MICU3: variants seen among roughly 807,000 people sequenced by gnomAD.
MICU3 encodes the protein mitochondrial calcium uptake 3, also known as calcium uptake protein 3, mitochondrial.
Under a neutral mutation model 66.5 loss-of-function variants are expected in MICU3, and 62 were observed. The observed-to-expected ratio is 0.93, with a 90% CI of 0.76 to 1.15. The LOEUF (loss-of-function observed/expected upper bound fraction) is 1.15. MICU3 is among the 50% of genes most tolerant of loss of function. The probability of loss-of-function intolerance (pLI) is 0.00; values close to 1 mark genes in which losing one functional copy is unlikely to be tolerated. For synonymous variants in MICU3, 308 were observed against 240.7 expected, an observed-to-expected ratio of 1.28 and a Z score of -2.59; for missense variants, 779 against 664.4, an observed-to-expected ratio of 1.17 and a Z score of -1.90.
chr8:17,074,027 G>A (rs1819994466), intron 3 of MICU3, among the ~76,000 whole-genome samples: 1 of 151,122 alleles, frequency 6.6e-6, no homozygotes, highest in South Asian at 2.1e-4. Flanking sequence ...TCTCATGAGT[G>A]TATGGTGGAG....
chr8:17,097,033 G>T (rs1485004212), intron 8 of MICU3, among the ~76,000 whole-genome samples: 2 of 149,648 alleles, frequency 1.3e-5, no homozygotes, highest in Non-Finnish European at 3.0e-5. Flanking sequence ...GATGAGGCAT[G>T]GCTTCACAAA....
chr8:17,078,766 G>A (rs1290490092), intron 4 of MICU3, among the ~76,000 whole-genome samples: 1 of 151,872 alleles, frequency 6.6e-6, no homozygotes, highest in South Asian at 2.1e-4. Flanking sequence ...GGTTTACATA[G>A]AATCTGAAAG....
chr8:17,100,835 TATG>T (rs1254423969), intron 9 of MICU3, among the ~76,000 whole-genome samples: 1 of 151,726 alleles, frequency 6.6e-6, no homozygotes, highest in African/African-American at 2.4e-5. Flanking sequence ...CTTAGTGCAG[TATG>T]ATGAGTATAT....
chr8:17,071,947 T>C (rs1360184021), intron 3 of MICU3, among the ~76,000 whole-genome samples: 1 of 152,160 alleles, frequency 6.6e-6, no homozygotes, highest in Non-Finnish European at 1.5e-5. Context: ...TAATAAGCCA[T>C]TTCCTTATGA....
intron 13 of MICU3, among the ~76,000 whole-genome samples, chr8:17,117,121 G>T (rs1163601248): frequency 6.6e-6 from 1 of 152,040 alleles, no homozygotes; most frequent in Non-Finnish European, 1.5e-5. Context: ...GGGACTATAG[G>T]TGCATGCCAC....
chr8:17,086,892 T>A, intron 6 of MICU3, 72 bp from the exon 7 acceptor site: 1 of 914,408 alleles, frequency 1.1e-6, no homozygotes, highest in Middle Eastern at 2.2e-4. Context: ...GGAATATACC[T>A]AGTCCAGAAT....
At chr8:17,034,193 A>G (rs998948303) in intron 1 of MICU3, among the ~76,000 whole-genome samples, 8 of 152,216 alleles carry the variant, frequency 5.3e-5, no homozygotes, top group African/African-American at 1.9e-4. Flanking sequence ...GGGGACTGCA[A>G]AGCTTGGATG....
chr8:17,137,520 T>TAAA, the MICU3 span, among the ~76,000 whole-genome samples: 12 of 120,774 alleles, frequency 9.9e-5, no homozygotes, highest in African/African-American at 2.7e-4. Context: ...CTGCTTTTTT[T>TAAA]TAAAAAAAAA....
intron 4 of MICU3, among the ~76,000 whole-genome samples, chr8:17,078,663 G>A (rs917311164): frequency 6.6e-6 from 1 of 151,880 alleles, no homozygotes; most frequent in Non-Finnish European, 1.5e-5. Context: ...TGAAAATAAT[G>A]TACTTCAGCC....
intron 1 of MICU3, among the ~76,000 whole-genome samples, chr8:17,042,160 T>A (rs1814249437): frequency 6.6e-6 from 1 of 152,232 alleles, no homozygotes; most frequent in South Asian, 2.1e-4. Flanking sequence ...TGTATAAACC[T>A]TAGTAATCTG....
At chr8:17,097,450 A>C (rs140426929) in intron 8 of MICU3, among the ~76,000 whole-genome samples, 15 of 151,890 alleles carry the variant, frequency 9.9e-5, no homozygotes, top group African/African-American at 3.4e-4. Flanking sequence ...ACATTTTATT[A>C]AGATTTTATT....
At chr8:17,044,240 C>T (rs1414403718) in intron 1 of MICU3, among the ~76,000 whole-genome samples, 3 of 152,106 alleles carry the variant, frequency 2.0e-5, no homozygotes, top group Admixed American at 1.3e-4. Context: ...ATCTGAATGT[C>T]AGATATATAA....
chr8:17,073,950 G>A (rs1166935293), intron 3 of MICU3, among the ~76,000 whole-genome samples: 1 of 152,048 alleles, frequency 6.6e-6, no homozygotes, highest in African/African-American at 2.4e-5. Context: ...CCTTTTCAAA[G>A]GTCCATGAAG....
At chr8:17,068,034 A>AAT (rs1818987266) in intron 2 of MICU3, among the ~76,000 whole-genome samples, 1 of 152,146 alleles carries the variant, frequency 6.6e-6, no homozygotes, top group Non-Finnish European at 1.5e-5. Flanking sequence ...CATAGCATCA[A>AAT]GAATTATTTT....
At chr8:17,050,109 A>AG (rs1815806032) in intron 1 of MICU3, among the ~76,000 whole-genome samples, 1 of 152,238 alleles carries the variant, frequency 6.6e-6, no homozygotes, top group Admixed American at 6.5e-5. Flanking sequence ...GTGACTATCC[A>AG]GGGATCTTAA....
At chr8:17,090,503 C>G in intron 7 of MICU3, 43 bp from the exon 8 acceptor site, 1 of 1,577,854 alleles carries the variant, frequency 6.3e-7, no homozygotes, top group Non-Finnish European at 8.6e-7. Context: ...TGGGTTCATT[C>G]TGAAATATGA....
At chr8:17,040,915 G>A (rs187233779) in intron 1 of MICU3, among the ~76,000 whole-genome samples, 234 of 152,274 alleles carry the variant, frequency 1.5e-3, no homozygotes, top group African/African-American at 5.2e-3. Context: ...GCAATTGGGT[G>A]GATTTGCTGC....
the MICU3 span, among the ~76,000 whole-genome samples, chr8:17,135,599 T>G: frequency 5.9e-5 from 9 of 152,060 alleles, no homozygotes; most frequent in African/African-American, 2.2e-4. Flanking sequence ...CCTATCTACA[T>G]TATTGCTTCT....
In MICU3 at chr8:17,122,180, T is replaced by G. The variant is rs146671615; in HGVS notation, c.*1893T>G. ...TATCAGAGTGAGTGGATGAAAACATTTGTAAGGCTGCAACATAATATTAAA... is the reference window on the plus strand; with the variant it reads ...TATCAGAGTGAGTGGATGAAAACATGTGTAAGGCTGCAACATAATATTAAA... On this transcript the variant is annotated 3_prime_UTR_variant, in exon 15 of 15. Transcript: ENST00000318063. 6.6e-6 allele frequency: 1 copy of G among 151,886 alleles called. No individual in the cohort carries two copies. Among genetic ancestry groups the G allele is most frequent in the African/African-American group, 2.4e-5 (1 of 41,536 alleles). The allele number at this position is 151,886 out of a possible 1,614,324, so 9.4% of individuals were successfully genotyped here.
Sources: allele counts gnomAD v4.1 joint callset (sites outside exome capture counted in the v4.1 genomes callset), GRCh38; gene constraint gnomAD v4.1.1; transcripts MANE v1.5; gene names NCBI Gene and HGNC (gene_info 2026-07-23, HGNC 2026-07-21).